Variants in SYNRG observed in about 807,000 individuals in gnomAD.
SYNRG encodes AP1 gamma subunit binding protein 1.
Under a neutral mutation model 130.9 loss-of-function variants are expected in SYNRG, and 37 were observed. The ratio of observed to expected loss-of-function variants is 0.28; its 90% CI spans 0.22 to 0.37. The LOEUF is 0.37. Among genes scored for constraint, SYNRG ranks in the 10% least tolerant of loss-of-function variants. The pLI, the probability that SYNRG is intolerant of heterozygous loss-of-function variation, is 1.00. For missense variants in SYNRG, 1,338 were observed against 1,588.9 expected, an observed-to-expected ratio of 0.84 and a Z score of 2.68; for synonymous variants, 539 against 568.1, an observed-to-expected ratio of 0.95 and a Z score of 0.73.
Position 37,596,332 on chromosome 17 carries a change from G to A in SYNRG, c.131C>T (p.Pro44Leu), listed in dbSNP as rs201390480. ...GIRPPQAGLM[P>L]MQQQGFPMVS... ...CATAGGAAATCCTTGTTGCTGCATC[G>A]GCATCAGGCCTGCTGAAAATATAAA... is the stretch of plus-strand genomic sequence containing the variant. Residue 44 changes from proline (P) to leucine (L), a missense_variant, in exon 3 of 22, where the codon CCG (proline) becomes CTG (leucine). Around this residue, in one of 3 missense-constraint regions of SYNRG, gnomAD observed 184 missense variants for 217.2 expected, o/e 0.85. Transcript: ENST00000612223. 5.9e-5 allele frequency: 95 copies of A among 1,613,954 alleles called. 1 individual carries two copies. The Admixed American group carries it at 8.2e-4, about 14-fold the overall frequency.
intron 19 of SYNRG, among the ~76,000 whole-genome samples, chr17:37,521,171 T>G (rs1431375840): frequency 2.6e-5 from 4 of 151,864 alleles, no homozygotes; most frequent in African/African-American, 9.7e-5. Flanking sequence ...TAGCTGGGAT[T>G]ACAGGCGCGC....
chr17:37,526,116 G>C (rs2055881651), intron 19 of SYNRG, among the ~76,000 whole-genome samples: 1 of 151,968 alleles, frequency 6.6e-6, no homozygotes, highest in African/African-American at 2.4e-5. Context: ...CTGGGCAACA[G>C]AGGAAGATGC....
intron 11 of SYNRG, among the ~76,000 whole-genome samples, chr17:37,566,380 T>C (rs2059998446): frequency 6.8e-6 from 1 of 146,150 alleles, no homozygotes; most frequent in South Asian, 2.3e-4. Flanking sequence ...CCACTCAGGG[T>C]TAAATGGATT....
chr17:37,567,247 A>G (rs997930974), intron 11 of SYNRG: 1 of 152,264 alleles, frequency 6.6e-6, no homozygotes, highest in Non-Finnish European at 1.5e-5. Flanking sequence ...TGTCACACAG[A>G]GCTGACAGAG....
At chr17:37,556,546 G>A (rs2059135738) in intron 13 of SYNRG, among the ~76,000 whole-genome samples, 1 of 145,732 alleles carries the variant, frequency 6.9e-6, no homozygotes, top group Admixed American at 6.8e-5. Context: ...TATAGCAGAT[G>A]AAAAAAAAAA....
rs540110584 is a variant in SYNRG, at chr17:37,553,356, C to T, written c.2367G>A (p.Ser789=). 13 of 1,614,182 alleles carry T rather than the reference C, an allele frequency of 8.1e-6. No homozygotes were observed. Among genetic ancestry groups the T allele is most frequent in the Admixed American group, 6.7e-5 (4 of 60,018 alleles). Residue 789 remains serine, a synonymous_variant, in exon 14 of 22, where the codon TCG becomes TCA. Transcript: ENST00000612223. ...CTGCTTTCTCTCCCAGGGATTTGTC[C>T]GAGTTTATGGAAGAAAATTTACTGG... The part of the protein sequence containing the change: ...FHSSKFSSIN[S]DKSLGEKAVA...
chr17:37,540,311 C>G, intron 16 of SYNRG, 69 bp downstream of exon 16: 26 of 1,542,480 alleles, frequency 1.7e-5, no homozygotes, highest in South Asian at 2.4e-5. Flanking sequence ...AAGCTGACAG[C>G]ATTCTTTCTT....
intron 19 of SYNRG, among the ~76,000 whole-genome samples, chr17:37,531,461 A>G (rs1423564270): frequency 6.6e-6 from 1 of 152,152 alleles, no homozygotes; most frequent in Non-Finnish European, 1.5e-5. Context: ...AAAAATGAAA[A>G]AACTAAAAGA....
At chr17:37,539,739 G>T (rs1226814644) in intron 16 of SYNRG, among the ~76,000 whole-genome samples, 1 of 152,204 alleles carries the variant, frequency 6.6e-6, no homozygotes, top group East Asian at 1.9e-4. Flanking sequence ...CTGAGCACAG[G>T]ACCTGTGAGT....
chr17:37,540,368 C>G lies in SYNRG; in HGVS notation c.3366+12G>C. 1.2e-6 allele frequency: 2 copies of G among 1,612,658 alleles called. No homozygotes were observed. The highest frequency in any genetic ancestry group is 1.7e-6 in the Non-Finnish European group (2 of 1,179,570). ...TCTGTTACCCACCCCTTGTAGAAAG[C>G]TCTCCTCTCACCTCCACCTCTCCCG... On this transcript the variant is annotated intron_variant, in intron 16 of 21. Coordinates refer to ENST00000612223, the MANE Select transcript of SYNRG (RefSeq NM_007247.6).
intron 19 of SYNRG, among the ~76,000 whole-genome samples, chr17:37,532,671 C>CAAAAA (rs56982337): frequency 2.5e-5 from 2 of 79,102 alleles, no homozygotes; most frequent in African/African-American, 5.0e-5. Context: ...AGATCTGTCT[C>CAAAAA]AAAAAAAAAA....
chr17:37,518,925 T>C lies in SYNRG; in HGVS notation c.*15A>G. 1 of 1,608,960 alleles carries C rather than the reference T, an allele frequency of 6.2e-7. No individual in the cohort carries two copies. ...TCACAGAAAAAAAAAAGTCAATGCT[T>C]CACAGAGGAGTTGTTCAGAGCAGGT... On this transcript the variant is annotated 3_prime_UTR_variant, in exon 22 of 22. Transcript: ENST00000612223.
chr17:37,587,906 C>T (rs1351152156), intron 3 of SYNRG, among the ~76,000 whole-genome samples: 1 of 152,222 alleles, frequency 6.6e-6, no homozygotes, highest in Non-Finnish European at 1.5e-5. Flanking sequence ...ACCTCCTATC[C>T]TTCTAGCTCA....
chr17:37,579,078 T>C, intron 6 of SYNRG: 1 of 1,090,614 alleles, frequency 9.2e-7, no homozygotes, highest in Non-Finnish European at 1.1e-6. Flanking sequence ...ATAACAGAAA[T>C]AAGTTATCCC....
At chr17:37,575,132 T>C (rs1401239059) in intron 8 of SYNRG, among the ~76,000 whole-genome samples, 1 of 151,754 alleles carries the variant, frequency 6.6e-6, no homozygotes, top group African/African-American at 2.4e-5. Context: ...GAGAATAGAA[T>C]GATGGTTTCC....
chr17:37,565,617 G>A lies in SYNRG; in HGVS notation c.1481+3174C>T, dbSNP rs553215606. On this transcript the variant is annotated intron_variant, in intron 11 of 21. Coordinates refer to ENST00000612223, the MANE Select transcript of SYNRG (RefSeq NM_007247.6). ...AAGTGAGGAGCGCCTCTTCCCGGCTGCCATCACATCTAGGAAGTGAGGAGC... is the reference window on the plus strand; with the variant it reads ...AAGTGAGGAGCGCCTCTTCCCGGCTACCATCACATCTAGGAAGTGAGGAGC... Among the ~76,000 whole-genome samples the A allele has an allele frequency of 1.1e-3, 160 of 151,956 alleles. 5 individuals carry two copies. The South Asian group carries it at 0.033, about 31-fold the overall frequency.
intron 13 of SYNRG, among the ~76,000 whole-genome samples, chr17:37,560,480 G>A (rs1422114092): frequency 6.6e-6 from 1 of 151,504 alleles, no homozygotes; most frequent in Admixed American, 6.6e-5. Context: ...GGGACTACAG[G>A]CATGTGCTAC....
rs189041762 is a variant in SYNRG at position 37,540,837 on chromosome 17, G to A, written c.3203-294C>T. The A allele has an allele frequency of 9.6e-4, 854 of 891,918 alleles. 2 individuals are homozygous for A. The highest frequency in any genetic ancestry group is 4.4e-3 in the Admixed American group (88 of 19,888). 55.3% of individuals were successfully genotyped at this position (891,918 alleles called of 1,614,324 possible). ...TTTAGTAGATACACGGTTTCATTGT[G>A]TTGGCCAGGCTGGTCTCGAACTCCT... On this transcript the variant is annotated intron_variant, in intron 15 of 21. Transcript: ENST00000612223.
Position 37,566,248 on chromosome 17 carries a change from AAAG to A in SYNRG, c.1481+2540_1481+2542del, listed in dbSNP as rs530906758. ...TCGGATGGTTGCCGTGTCTGTGTAG[AAAG>A]AAGTAGACATGGGAGACTTTTCATT... On this transcript the variant is annotated intron_variant, in intron 11 of 21. Transcript: ENST00000612223. 2.8e-3 allele frequency among the ~76,000 whole-genome samples: 424 copies of A among 150,056 alleles called. 2 individuals are homozygous for A. Among genetic ancestry groups the A allele is most frequent in the African/African-American group, 0.01 (405 of 39,998 alleles).
Sources: gnomAD v4.1 joint callset for allele counts (sites outside exome capture counted in the v4.1 genomes callset) on GRCh38, gnomAD v4.1.1 for gene constraint, gnomAD v4.1.1 regional missense constraint, MANE v1.5 for transcripts, NCBI Gene and HGNC (gene_info 2026-07-23, HGNC 2026-07-21) for gene names.